The following PPP4R1 variants were observed in gnomAD, a reference collection of about 807,000 sequenced individuals.
PPP4R1 encodes protein phosphatase 4 regulatory subunit 1, also known as serine/threonine-protein phosphatase 4 regulatory subunit 1.
In PPP4R1, 42 loss-of-function variants were observed where a neutral mutation model predicts 111.2. The ratio of observed to expected loss-of-function variants is 0.38; its 90% CI spans 0.29 to 0.49. The LOEUF is 0.49. Ranked by LOEUF, PPP4R1 falls within the 20% of genes least tolerant of loss-of-function variation. The pLI is 0.97. For synonymous variants in PPP4R1, 409 were observed against 405.5 expected, an observed-to-expected ratio of 1.01 and a Z score of -0.10; for missense variants, 1,012 against 1,161.6, an observed-to-expected ratio of 0.87 and a Z score of 1.87.
chr18:9,580,026 A>C (rs1164305833), intron 9 of PPP4R1, among the ~76,000 whole-genome samples: 1 of 152,218 alleles, frequency 6.6e-6, no homozygotes, highest in Non-Finnish European at 1.5e-5. Context: ...AGCTTCACAA[A>C]GAAAATTGAG....
intron 19 of PPP4R1, 151 bp downstream of exon 19, chr18:9,549,046 G>C: frequency 1.0e-6 from 1 of 998,534 alleles, no homozygotes; most frequent in South Asian, 1.7e-5. Context: ...ATGCCCTCTT[G>C]GGAGAATCAC....
At chr18:9,588,985 T>C (rs1361065834) in intron 4 of PPP4R1, 132 bp from the exon 5 acceptor site, 2 of 1,090,168 alleles carry the variant, frequency 1.8e-6, no homozygotes, top group African/African-American at 1.6e-5. Flanking sequence ...CAACATCCTT[T>C]AATTCTGCAT....
At chr18:9,593,984 A>T in intron 3 of PPP4R1, 110 bp from the exon 4 acceptor site, 1 of 816,488 alleles carries the variant, frequency 1.2e-6, no homozygotes, top group Middle Eastern at 2.3e-4. Flanking sequence ...CCGGAGTGTA[A>T]TGGTGTGATC....
At chr18:9,559,360 A>G (rs2066637054) in intron 14 of PPP4R1, 59 bp downstream of exon 14, 1 of 1,417,494 alleles carries the variant, frequency 7.1e-7, no homozygotes, top group African/African-American at 1.4e-5. Flanking sequence ...GGTTACAAAA[A>G]GCAAAGCACT....
chr18:9,581,054 C>A (rs2067020676), intron 9 of PPP4R1, among the ~76,000 whole-genome samples: 1 of 152,108 alleles, frequency 6.6e-6, no homozygotes, highest in African/African-American at 2.4e-5. Flanking sequence ...TCCAGCCAGT[C>A]ACTAAACAAG....
In PPP4R1 at chr18:9,595,020, G is replaced by A. The variant is rs1417951631; in HGVS notation, c.186C>T (p.Asn62=). The change falls in exon 3 of 20, where the codon AAC becomes AAT. Residue 62 remains asparagine (N), a splice_region_variant and synonymous_variant. Transcript: ENST00000400556. ...TAACAAAAAGAATATGCACATACCT[G>A]TTAAATATGTTCTCACTTGCAGCAT... is the stretch of plus-strand genomic sequence containing the variant. ...DKYAASENIF[N]RQMVARSLLD... is the part of the protein sequence containing the mutation. The A allele has an allele frequency of 8.7e-6, 14 of 1,613,686 alleles. No individual in the cohort carries two copies. Among genetic ancestry groups the A allele is most frequent in the Non-Finnish European group, 1.2e-5 (14 of 1,179,864 alleles).
In PPP4R1 at chr18:9,594,471, ACACT is replaced by A. The variant is rs1293865384; in HGVS notation, c.188+543_188+546del. 2.6e-5 allele frequency among the ~76,000 whole-genome samples: 4 copies of A among 152,300 alleles called. No individual in the cohort carries two copies. The East Asian group carries it at 7.7e-4, about 29-fold the overall frequency. On this transcript the variant is annotated intron_variant, in intron 3 of 19. Coordinates refer to ENST00000400556, the MANE Select transcript of PPP4R1 (RefSeq NM_001042388.3). Reference sequence around the variant, plus strand: ...CCTTCAATTATCACAATGAAAAAACACACTCATTCATTATACAAAATGTTACCCT... The same window carrying A: ...CCTTCAATTATCACAATGAAAAAACACATTCATTATACAAAATGTTACCCT...
intron 2 of PPP4R1, 82 bp from the exon 3 acceptor site, chr18:9,595,235 G>A (rs1040260336): frequency 7.2e-5 from 100 of 1,384,500 alleles, no homozygotes; most frequent in Non-Finnish European, 9.0e-5. Flanking sequence ...GTACAAATCT[G>A]TTTCTGGAAT....
rs781095018 is a variant in PPP4R1, at chr18:9,547,661, C to G, written c.*128G>C. ...GGTATTGGGTGTAGGCAACTTGCAC[C>G]TGCAATGAAGTCCGCAGGAGAGGAA... On this transcript the variant is annotated 3_prime_UTR_variant, in exon 20 of 20. Coordinates refer to ENST00000400556, the MANE Select transcript of PPP4R1 (RefSeq NM_001042388.3). The G allele has an allele frequency of 2.0e-5, 23 of 1,166,926 alleles. No homozygotes were observed. The highest frequency in any genetic ancestry group is 2.7e-5 in the Non-Finnish European group (22 of 819,930). The allele number at this position is 1,166,926 out of a possible 1,614,324, so 72.3% of individuals were successfully genotyped here.
Position 9,588,185 on chromosome 18 carries a change from G to A in PPP4R1, c.489C>T (p.Leu163=). Residue 163 remains leucine, a synonymous_variant, in exon 6 of 20, where the codon CTC becomes CTT. Coordinates refer to ENST00000400556, the MANE Select transcript of PPP4R1 (RefSeq NM_001042388.3). ...TGGTCTCCACATCAAATCGTTCAAT[G>A]AGCTCCTGCTCCAACAGAGCCAGCA... is the stretch of plus-strand genomic sequence containing the variant. ...AALLALLEQE[L]IERFDVETKV... 6.2e-7 allele frequency: 1 copy of A among 1,614,130 alleles called. No homozygotes were observed. The highest frequency in any genetic ancestry group is 1.1e-5 in the South Asian group (1 of 91,084).
intron 11 of PPP4R1, among the ~76,000 whole-genome samples, chr18:9,565,850 G>C (rs988341305): frequency 1.3e-5 from 2 of 152,200 alleles, no homozygotes; most frequent in Non-Finnish European, 2.9e-5. Flanking sequence ...TAAAGCTGCA[G>C]CAAGTTATTC....
chr18:9,548,790 C>T (rs1385868563), intron 19 of PPP4R1, among the ~76,000 whole-genome samples: 1 of 152,098 alleles, frequency 6.6e-6, no homozygotes, highest in Non-Finnish European at 1.5e-5. Context: ...TGGTGGCGGG[C>T]ACCTGTAATC....
rs182451469 is a variant in PPP4R1 at position 9,576,970 on chromosome 18, A to G, written c.1046+94T>C. 304 of 1,200,090 alleles carry G rather than the reference A, an allele frequency of 2.5e-4. No individual in the cohort carries two copies. The African/African-American group carries it at 4.3e-3, about 17-fold the overall frequency. 74.3% of individuals were successfully genotyped at this position (1,200,090 alleles called of 1,614,324 possible). A position where few individuals can be genotyped will look rare whatever the true frequency, so the allele number is the denominator to read the frequency against. On this transcript the variant is annotated intron_variant, in intron 10 of 19. Transcript: ENST00000400556. ...AAGAGAAATAGCAAACTATCAAAAA[A>G]TAACATTTGTTGCAGAATAGTGGAA...
intron 9 of PPP4R1, among the ~76,000 whole-genome samples, chr18:9,580,548 C>T (rs2067011697): frequency 6.6e-6 from 1 of 152,152 alleles, no homozygotes; most frequent in Non-Finnish European, 1.5e-5. Flanking sequence ...GACGGGGTTT[C>T]ACCGTGTTAG....
chr18:9,605,066 G>A (rs935675003), intron 2 of PPP4R1, among the ~76,000 whole-genome samples: 7 of 152,086 alleles, frequency 4.6e-5, no homozygotes, highest in Admixed American at 2.0e-4. Context: ...ATAATGTAAC[G>A]TAAAACATAA....
At chr18:9,592,438 C>T (rs2145241972) in intron 4 of PPP4R1, among the ~76,000 whole-genome samples, 2 of 152,262 alleles carry the variant, frequency 1.3e-5, no homozygotes, top group South Asian at 4.2e-4. Flanking sequence ...TGAAGCCTGC[C>T]CCGATCCTTC....
chr18:9,612,121 T>C (rs1235033085), intron 2 of PPP4R1, among the ~76,000 whole-genome samples: 2 of 152,240 alleles, frequency 1.3e-5, no homozygotes, highest in African/African-American at 2.4e-5. Context: ...TAAGCTTCCC[T>C]TGCTCTTTTC....
chr18:9,564,652 T>C (rs1209524080), intron 11 of PPP4R1, among the ~76,000 whole-genome samples: 1 of 150,908 alleles, frequency 6.6e-6, no homozygotes, highest in Non-Finnish European at 1.5e-5. Flanking sequence ...AAATAGACTG[T>C]ACAAGAAAGA....
chr18:9,570,684 C>G lies in PPP4R1; in HGVS notation c.1047-1G>C, dbSNP rs2066848208. On this transcript the variant is annotated splice_acceptor_variant, in intron 10 of 19. Transcript: ENST00000400556. LOFTEE classifies it high-confidence loss of function. Reference sequence around the variant, plus strand: ...CTCTGGGGCTTCTTGATCTCTGGTCCTTTTATTGTTTTATTTGGTGGGAAA... The same window carrying G: ...CTCTGGGGCTTCTTGATCTCTGGTCGTTTTATTGTTTTATTTGGTGGGAAA... 4 of 1,524,098 alleles carry G rather than the reference C, an allele frequency of 2.6e-6. No homozygotes were observed. The highest frequency in any genetic ancestry group is 3.5e-6 in the Non-Finnish European group (4 of 1,139,960). 94.4% of individuals were successfully genotyped at this position (1,524,098 alleles called of 1,614,324 possible).
Sources: gnomAD v4.1 joint callset for allele counts (sites outside exome capture counted in the v4.1 genomes callset) on GRCh38, gnomAD v4.1.1 for gene constraint, MANE v1.5 for transcripts, NCBI Gene and HGNC (gene_info 2026-07-23, HGNC 2026-07-21) for gene names.